The following ERBB4 variants were observed in gnomAD, a reference collection of about 807,000 sequenced individuals.
ERBB4 encodes the protein erb-b2 receptor tyrosine kinase 4.
ERBB4 carries 42 observed loss-of-function variants against 158.0 expected under a neutral mutation model. The ratio of observed to expected loss-of-function variants is 0.27; its 90% CI spans 0.21 to 0.34. The LOEUF (loss-of-function observed/expected upper bound fraction) is 0.34. Among genes scored for constraint, ERBB4 ranks in the 10% least tolerant of loss-of-function variants. ERBB4 has a pLI of 1.00. For synonymous variants in ERBB4, 583 were observed against 558.7 expected (o/e 1.04, Z -0.61); for missense variants, 1,333 against 1,624.1 (o/e 0.82, Z 3.08).
In ERBB4 at chr2:212,103,427, A is replaced by C. The variant is rs983740363; in HGVS notation, c.234+21325T>G. ...AAATAATATATGTGATTTTAATGCA[A>C]TATAACCAAAATATTATTTTTAAAA... On this transcript the variant is annotated intron_variant, in intron 2 of 27. Transcript: ENST00000342788. 3.9e-5 allele frequency among the ~76,000 whole-genome samples: 6 copies of C among 152,270 alleles called. No homozygotes were observed. The East Asian group carries it at 1.2e-3, about 29-fold the overall frequency.
chr2:212,059,550 A>C (rs2077693843), intron 2 of ERBB4, among the ~76,000 whole-genome samples: 1 of 152,200 alleles, frequency 6.6e-6, no homozygotes, highest in African/African-American at 2.4e-5. Flanking sequence ...CTATACTACA[A>C]GGCTATAGTA....
chr2:212,317,234 C>A (rs887381348), intron 1 of ERBB4, among the ~76,000 whole-genome samples: 6 of 151,446 alleles, frequency 4.0e-5, no homozygotes, highest in African/African-American at 1.5e-4. Flanking sequence ...AAAGGAACCC[C>A]TGGAAATTCC....
chr2:211,976,198 T>C (rs1671595653), intron 2 of ERBB4, among the ~76,000 whole-genome samples: 1 of 152,160 alleles, frequency 6.6e-6, no homozygotes, highest in African/African-American at 2.4e-5. Flanking sequence ...GAATCAATTA[T>C]AATAGATAAA....
Position 212,538,629 on chromosome 2 carries a change from G to A in ERBB4, c.-99C>T, listed in dbSNP as rs142531677. ...GAGATCCCCCAGCCGGGCGCGCGTGGGGGTGCGAGGGGGGCGGGCGCGGCG... is the reference window on the plus strand; with the variant it reads ...GAGATCCCCCAGCCGGGCGCGCGTGAGGGTGCGAGGGGGGCGGGCGCGGCG... On this transcript the variant is annotated 5_prime_UTR_variant, in exon 1 of 28. Transcript: ENST00000342788. The A allele has an allele frequency of 1.8e-3, 2,198 of 1,247,490 alleles. 27 individuals carry two copies. The African/African-American group carries it at 0.028, about 16-fold the overall frequency. The allele number at this position is 1,247,490 out of a possible 1,614,324, so 77.3% of individuals were successfully genotyped here. A position where few individuals can be genotyped will look rare whatever the true frequency, so the allele number is the denominator to read the frequency against.
intron 2 of ERBB4, among the ~76,000 whole-genome samples, chr2:212,015,087 TATATATATATATATATATATATATA>T (rs1559320982): frequency 0.01 from 133 of 13,220 alleles, 22 homozygotes; most frequent in Non-Finnish European, 0.022. Context: ...TATATATATA[TATATATATATATATATATATATATA>T]AAAATTAGCC....
chr2:212,176,310 G>A (rs2081661510), intron 1 of ERBB4, among the ~76,000 whole-genome samples: 1 of 151,928 alleles, frequency 6.6e-6, no homozygotes, highest in Non-Finnish European at 1.5e-5. Flanking sequence ...TTTCAGGGTG[G>A]AGTCTTTGGG....
At chr2:212,484,295 G>C (rs1689864703) in intron 1 of ERBB4, among the ~76,000 whole-genome samples, 1 of 152,182 alleles carries the variant, frequency 6.6e-6, no homozygotes, top group South Asian at 2.1e-4. Flanking sequence ...AGATTTGCTT[G>C]TGGATAGTAG....
chr2:211,416,379 C>A (rs1268276298), intron 25 of ERBB4, among the ~76,000 whole-genome samples: 1 of 151,790 alleles, frequency 6.6e-6, no homozygotes, highest in Admixed American at 6.6e-5. Context: ...AACATGTAAT[C>A]GAAAATATTA....
intron 2 of ERBB4, among the ~76,000 whole-genome samples, chr2:212,032,825 T>A (rs1282250324): frequency 6.6e-6 from 1 of 151,678 alleles, no homozygotes; most frequent in Non-Finnish European, 1.5e-5. Flanking sequence ...AATAAGAAAT[T>A]ATAGGAAGAA....
At chr2:212,124,998 T>A (rs2079878197) in intron 1 of ERBB4, 95 bp from the exon 2 acceptor site, 3 of 1,399,604 alleles carry the variant, frequency 2.1e-6, no homozygotes, top group Non-Finnish European at 3.0e-6. Flanking sequence ...TCCACAAGCC[T>A]ATCCCAGTTC....
chr2:211,765,489 C>T (rs946913452), intron 4 of ERBB4, among the ~76,000 whole-genome samples: 1 of 151,798 alleles, frequency 6.6e-6, no homozygotes, highest in Non-Finnish European at 1.5e-5. Flanking sequence ...TTTCTTATCC[C>T]TCAGGAAAAA....
At chr2:211,594,153 C>T (rs146787579) in intron 19 of ERBB4, among the ~76,000 whole-genome samples, 2,040 of 152,168 alleles carry the variant, frequency 0.013, 24 homozygotes, top group Middle Eastern at 0.041. Context: ...TAAAAATAAA[C>T]TAGCTGGGCG....
intron 3 of ERBB4, among the ~76,000 whole-genome samples, chr2:211,853,241 C>CT (rs59304374): frequency 6.6e-6 from 1 of 151,382 alleles, no homozygotes; most frequent in Non-Finnish European, 1.5e-5. Context: ...AGATCTTGCT[C>CT]TTTTTTTTTC....
chr2:211,480,341 A>AG (rs1260506636), intron 20 of ERBB4, among the ~76,000 whole-genome samples: 2 of 152,114 alleles, frequency 1.3e-5, no homozygotes, highest in East Asian at 3.9e-4. Flanking sequence ...GCATTGGGAG[A>AG]GGGACCTGGT....
In ERBB4 at chr2:211,959,461, G is replaced by A. The variant is rs1289500264; in HGVS notation, c.235-11845C>T. ...TTATTATAAAGCTACCTCATTTTCTGGTCATACATTGGCACCTTCCATTTT... is the reference window on the plus strand; with the variant it reads ...TTATTATAAAGCTACCTCATTTTCTAGTCATACATTGGCACCTTCCATTTT... On this transcript the variant is annotated intron_variant, in intron 2 of 27. Coordinates refer to ENST00000342788, the MANE Select transcript of ERBB4 (RefSeq NM_005235.3). Among the ~76,000 whole-genome samples the A allele has an allele frequency of 7.2e-5, 11 of 151,802 alleles. No individual in the cohort carries two copies. In the East Asian group the frequency reaches 2.1e-3, roughly 29 times the overall value.
chr2:211,749,127 T>C (rs2075055823), intron 5 of ERBB4, among the ~76,000 whole-genome samples: 1 of 152,164 alleles, frequency 6.6e-6, no homozygotes, highest in Non-Finnish European at 1.5e-5. Flanking sequence ...GATCCAAAAA[T>C]TCCCTAATGA....
chr2:211,515,963 G>A (rs1291026604), intron 20 of ERBB4, among the ~76,000 whole-genome samples: 4 of 130,898 alleles, frequency 3.1e-5, no homozygotes, highest in African/African-American at 1.2e-4. Flanking sequence ...CACCCAAGCT[G>A]GAGTGCAGTG....
chr2:212,182,116 C>T (rs1450406913), intron 1 of ERBB4, among the ~76,000 whole-genome samples: 1 of 151,702 alleles, frequency 6.6e-6, no homozygotes, highest in East Asian at 1.9e-4. Context: ...AGTTAACATT[C>T]CCCAAGATTT....
intron 19 of ERBB4, among the ~76,000 whole-genome samples, chr2:211,567,367 C>T (rs1027708107): frequency 5.3e-5 from 8 of 152,182 alleles, no homozygotes; most frequent in South Asian, 2.1e-4. Flanking sequence ...TCAAATTATG[C>T]TTTGCTTCCT....
Sources: gnomAD v4.1 joint callset for allele counts (sites outside exome capture counted in the v4.1 genomes callset) on GRCh38, gnomAD v4.1.1 for gene constraint, MANE v1.5 for transcripts, NCBI Gene and HGNC (gene_info 2026-07-23, HGNC 2026-07-21) for gene names.